POLR2E: variants seen among roughly 807,000 people sequenced by gnomAD.
POLR2E encodes RNA polymerase II, I and III subunit E.
POLR2E carries 35 observed loss-of-function variants against 29.8 expected under a neutral mutation model. The observed-to-expected ratio is 1.17, with a 90% CI of 0.90 to 1.55. The LOEUF (loss-of-function observed/expected upper bound fraction) is 1.55. Ranked by LOEUF, POLR2E falls within the 40% of genes most tolerant of loss-of-function variation. The probability of loss-of-function intolerance (pLI) is 0.00; values close to 1 mark genes in which losing one functional copy is unlikely to be tolerated. For synonymous variants in POLR2E, 174 were observed against 112.6 expected (o/e 1.55, Z -3.45); for missense variants, 287 against 288.6 (o/e 0.99, Z 0.04).
At chr19:1,093,763 A>G (rs2043887610) in intron 2 of POLR2E, 141 bp downstream of exon 2, 2 of 1,414,886 alleles carry the variant, frequency 1.4e-6, no homozygotes, top group Non-Finnish European at 1.8e-6. Context: ...CACAGCAAGG[A>G]AGGGGAGGGG....
At chr19:1,092,635 CAG>C (rs1418141317) in intron 2 of POLR2E, among the ~76,000 whole-genome samples, 2 of 152,062 alleles carry the variant, frequency 1.3e-5, no homozygotes, top group African/African-American at 4.8e-5. Flanking sequence ...TTGCAGTGGG[CAG>C]AGATTGCGCC....
intron 6 of POLR2E, 155 bp from the exon 7 acceptor site, chr19:1,089,706 C>A: frequency 2.5e-6 from 2 of 797,518 alleles, no homozygotes; most frequent in Non-Finnish European, 4.2e-6. Flanking sequence ...ACCTGGGTCA[C>A]GCTCTTCTCT....
intron 4 of POLR2E, among the ~76,000 whole-genome samples, 166 bp from the exon 5 acceptor site, chr19:1,090,311 G>C (rs1027735989): frequency 6.7e-6 from 1 of 149,468 alleles, no homozygotes; most frequent in East Asian, 2.0e-4. Context: ...CTCCACAGGC[G>C]GGGGACGGAG....
chr19:1,087,739 TCTGGGGAC>T lies in POLR2E; in HGVS notation c.*988_*995del, dbSNP rs1310393847. 4 of 152,284 alleles carry T rather than the reference TCTGGGGAC, an allele frequency of 2.6e-5. No individual in the cohort carries two copies. Among genetic ancestry groups the T allele is most frequent in the East Asian group, 3.8e-4 (2 of 5,316 alleles). The allele number at this position is 152,284 out of a possible 1,614,324, so 9.4% of individuals were successfully genotyped here. A position where few individuals can be genotyped will look rare whatever the true frequency, so the allele number is the denominator to read the frequency against. On this transcript the variant is annotated 3_prime_UTR_variant, in exon 8 of 8. Transcript: ENST00000615234. Reference sequence around the variant, plus strand: ...ACACACACAGTCCGCGGCCTGGGGATCTGGGGACCCTGCTGCACAGAACAGTGGGCGCG... The same window carrying T: ...ACACACACAGTCCGCGGCCTGGGGATCCTGCTGCACAGAACAGTGGGCGCG...
chr19:1,091,613 GC>G, intron 3 of POLR2E, 178 bp downstream of exon 3: 1 of 599,254 alleles, frequency 1.7e-6, no homozygotes, highest in Non-Finnish European at 3.0e-6. Flanking sequence ...CTGGGGTGGG[GC>G]CCATGGACGC....
At position 1,090,922 on chromosome 19, in the gene POLR2E, T is replaced by C; in HGVS notation, c.415A>G (p.Ile139Val). Residue 139 changes from isoleucine (I) to valine (V), a missense_variant, in exon 4 of 8, where the codon ATC (isoleucine) becomes GTC (valine). Transcript: ENST00000615234. The part of the protein sequence containing the change: ...QFLQQELLIN[I>V]TEHELVPEHV... ...CGCGCGCCCACCTCGTGCTCCGTGA[T>C]GTTGATGAGCAGCTCCTGCTGCAGA... is the stretch of plus-strand genomic sequence containing the variant. The C allele has an allele frequency of 6.2e-7, 1 of 1,613,316 alleles. No homozygotes were observed. Among genetic ancestry groups the C allele is most frequent in the Non-Finnish European group, 8.5e-7 (1 of 1,179,892 alleles).
chr19:1,095,226 G>T, intron 1 of POLR2E, 33 bp downstream of exon 1: 5 of 1,607,658 alleles, frequency 3.1e-6, no homozygotes, highest in Non-Finnish European at 4.2e-6. Flanking sequence ...CCCGCCGCCC[G>T]CGCCCCCGCC....
intron 7 of POLR2E, 113 bp downstream of exon 7, chr19:1,089,359 G>A (rs769384911): frequency 8.4e-6 from 6 of 712,126 alleles, no homozygotes; most frequent in East Asian, 2.8e-5. Context: ...AGCTGGGCTG[G>A]TGCTAGGAGG....
At position 1,095,207 on chromosome 19, in the gene POLR2E, G is replaced by C. The variant is rs2043914870; in HGVS notation, c.57+52C>G. On this transcript the variant is annotated intron_variant, in intron 1 of 7. Coordinates refer to ENST00000615234, the MANE Select transcript of POLR2E (RefSeq NM_002695.5). ...GACGCCGTGCTCGACCCCACCTCGG[G>C]CCCCTACACCCGCCGCCCGCGCCCC... 1.9e-6 allele frequency: 3 copies of C among 1,574,608 alleles called. No individual in the cohort carries two copies. The South Asian group carries it at 3.3e-5, about 18-fold the overall frequency.
At chr19:1,091,960 G>A (rs758219651) in intron 2 of POLR2E, 53 bp from the exon 3 acceptor site, 43 of 1,296,680 alleles carry the variant, frequency 3.3e-5, no homozygotes, top group Admixed American at 5.1e-5. Context: ...CGTGGCCCTC[G>A]CCCACCCAGA....
chr19:1,089,785 G>T, intron 6 of POLR2E, 99 bp downstream of exon 6: 1 of 1,023,036 alleles, frequency 9.8e-7, no homozygotes, highest in Non-Finnish European at 1.5e-6. Context: ...TCCAGGCCCT[G>T]GATCAAGGGG....
chr19:1,092,091 C>G (rs890352130), intron 2 of POLR2E, among the ~76,000 whole-genome samples, 184 bp from the exon 3 acceptor site: 3 of 152,190 alleles, frequency 2.0e-5, no homozygotes, highest in African/African-American at 7.2e-5. Flanking sequence ...GAAGAGAGGG[C>G]TGAAACCTCT....
At chr19:1,092,961 G>A (rs1168514493) in intron 2 of POLR2E, among the ~76,000 whole-genome samples, 2 of 151,406 alleles carry the variant, frequency 1.3e-5, no homozygotes, top group African/African-American at 2.4e-5. Context: ...CGAGGCGGGC[G>A]GATCACCTGA....
At position 1,087,346 on chromosome 19, in the gene POLR2E, T is replaced by G. The variant is rs943881763; in HGVS notation, c.*1389A>C. ...TTTTGTATTTTTTGCAGTGATGGGATTTTGCCATGTTGGTCAGGCTGGTCT... is the reference window on the plus strand; with the variant it reads ...TTTTGTATTTTTTGCAGTGATGGGAGTTTGCCATGTTGGTCAGGCTGGTCT... On this transcript the variant is annotated 3_prime_UTR_variant, in exon 8 of 8. Transcript: ENST00000615234. The G allele has an allele frequency of 1.3e-5, 2 of 151,892 alleles. No homozygotes were observed. The highest frequency in any genetic ancestry group is 4.8e-5 in the African/African-American group (2 of 41,292). The allele number at this position is 151,892 out of a possible 1,614,324, so 9.4% of individuals were successfully genotyped here.
intron 4 of POLR2E, among the ~76,000 whole-genome samples, chr19:1,090,460 A>ATTTTTTT (rs58876047): frequency 6.6e-5 from 6 of 90,450 alleles, no homozygotes; most frequent in Non-Finnish European, 6.4e-5. Context: ...CGGGATCTGC[A>ATTTTTTT]TTTTTTTTTT....
In POLR2E at chr19:1,089,395, C is replaced by G. The variant is rs568833039; in HGVS notation, c.*14+77G>C. ...GTCTTGCTGCCGGACAAAGCAAGAA[C>G]AGCCCTGCACACCGACGGAGGGGAC... On this transcript the variant is annotated intron_variant, in intron 7 of 7. Transcript: ENST00000615234. The G allele has an allele frequency of 7.4e-6, 7 of 948,414 alleles. No individual in the cohort carries two copies. The South Asian group carries it at 9.7e-5, about 13-fold the overall frequency. The allele number at this position is 948,414 out of a possible 1,614,324, so 58.7% of individuals were successfully genotyped here.
At chr19:1,093,780 C>T (rs1308319462) in intron 2 of POLR2E, 124 bp downstream of exon 2, 1 of 1,416,274 alleles carries the variant, frequency 7.1e-7, no homozygotes, top group Non-Finnish European at 9.2e-7. Flanking sequence ...GGGGAGTTTT[C>T]CTCCCAGACT....
chr19:1,091,178 A>C lies in POLR2E; in HGVS notation c.349-190T>G, dbSNP rs530332384. Among the ~76,000 whole-genome samples, 103 of 152,286 alleles carry C rather than the reference A, an allele frequency of 6.8e-4. 1 individual carries two copies. Among genetic ancestry groups the C allele is most frequent in the African/African-American group, 2.5e-3 (103 of 41,542 alleles). On this transcript the variant is annotated intron_variant, in intron 3 of 7. Transcript: ENST00000615234. The stretch of plus-strand genomic sequence containing the variant: ...CTCCCCAGCCTCTCTGCTCATCGAG[A>C]GCCTCATCCAGCAGTGAAGTGGCCG...
rs1471454992 is a variant in POLR2E at position 1,087,834 on chromosome 19, A to C, written c.*901T>G. The C allele has an allele frequency of 6.6e-6, 1 of 152,308 alleles. No homozygotes were observed. The highest frequency in any genetic ancestry group is 1.5e-5 in the Non-Finnish European group (1 of 68,016). 9.4% of individuals were successfully genotyped at this position (152,308 alleles called of 1,614,324 possible). A position where few individuals can be genotyped will look rare whatever the true frequency, so the allele number is the denominator to read the frequency against. ...TTAATAAAGCTACTGTGAGAGAACCACGTGGCTAGGTTAAACTTGGGCAGG... is the reference window on the plus strand; with the variant it reads ...TTAATAAAGCTACTGTGAGAGAACCCCGTGGCTAGGTTAAACTTGGGCAGG... On this transcript the variant is annotated 3_prime_UTR_variant, in exon 8 of 8. Transcript: ENST00000615234.
Sources: allele counts gnomAD v4.1 joint callset (sites outside exome capture counted in the v4.1 genomes callset), GRCh38; gene constraint gnomAD v4.1.1; transcripts MANE v1.5; gene names NCBI Gene and HGNC (gene_info 2026-07-23, HGNC 2026-07-21).